CYTH3: variants seen among roughly 807,000 people sequenced by gnomAD.
CYTH3 encodes cytohesin 3.
A neutral mutation model predicts 55.1 loss-of-function variants in CYTH3; 23 were observed. The ratio of observed to expected loss-of-function variants is 0.42; its 90% CI spans 0.30 to 0.59. CYTH3 has a LOEUF of 0.59. Among genes scored for constraint, CYTH3 ranks in the 20% least tolerant of loss-of-function variants. The pLI is 0.20. For synonymous variants in CYTH3, 249 were observed against 194.9 expected (o/e 1.28, Z -2.31); for missense variants, 413 against 524.8 (o/e 0.79, Z 2.08).
chr7:6,227,980 C>T (rs1356402558), intron 1 of CYTH3, among the ~76,000 whole-genome samples: 1 of 152,184 alleles, frequency 6.6e-6, no homozygotes, highest in Non-Finnish European at 1.5e-5. Flanking sequence ...TAGATTTCAA[C>T]AACAACGAGA....
intron 1 of CYTH3, among the ~76,000 whole-genome samples, chr7:6,217,178 T>C (rs1406190610): frequency 2.6e-5 from 4 of 152,098 alleles, no homozygotes; most frequent in Non-Finnish European, 5.9e-5. Context: ...CCTCCCAAAG[T>C]GCCAAGATTA....
At chr7:6,221,543 A>G (rs1352699558) in intron 1 of CYTH3, among the ~76,000 whole-genome samples, 1 of 152,192 alleles carries the variant, frequency 6.6e-6, no homozygotes, top group Non-Finnish European at 1.5e-5. Flanking sequence ...ACAAAACTAT[A>G]CAAACACCTC....
chr7:6,248,981 T>C (rs898725398), intron 1 of CYTH3, among the ~76,000 whole-genome samples: 1 of 152,246 alleles, frequency 6.6e-6, no homozygotes, highest in Non-Finnish European at 1.5e-5. Context: ...ATCTTCTGAA[T>C]TCTTTTGATG....
chr7:6,198,007 T>C (rs1783974583), intron 1 of CYTH3, among the ~76,000 whole-genome samples: 1 of 150,216 alleles, frequency 6.7e-6, no homozygotes, highest in Non-Finnish European at 1.5e-5. Context: ...AGTGGGGGGA[T>C]CGCTTGAGCC....
chr7:6,263,453 C>G (rs978732585), intron 1 of CYTH3, among the ~76,000 whole-genome samples: 13 of 152,130 alleles, frequency 8.5e-5, no homozygotes, highest in African/African-American at 2.9e-4. Flanking sequence ...GACTAGGGAG[C>G]TCACCTCAGT....
At chr7:6,205,641 C>T (rs781389498) in intron 1 of CYTH3, among the ~76,000 whole-genome samples, 3 of 151,774 alleles carry the variant, frequency 2.0e-5, no homozygotes, top group Non-Finnish European at 4.4e-5. Flanking sequence ...TGTACTAAAG[C>T]TAGAACAACT....
intron 1 of CYTH3, among the ~76,000 whole-genome samples, chr7:6,216,492 A>G (rs1415663073): frequency 2.0e-5 from 3 of 152,116 alleles, no homozygotes; most frequent in Non-Finnish European, 2.9e-5. Context: ...TAATGCTAGC[A>G]CTTTGGGAGG....
chr7:6,237,155 C>G (rs1262636386), intron 1 of CYTH3, among the ~76,000 whole-genome samples: 1 of 151,758 alleles, frequency 6.6e-6, no homozygotes, highest in African/African-American at 2.4e-5. Flanking sequence ...CTTCAGCTCT[C>G]CCAGAGCGAG....
chr7:6,216,644 G>C (rs2128550460), intron 1 of CYTH3, among the ~76,000 whole-genome samples: 1 of 152,104 alleles, frequency 6.6e-6, no homozygotes, highest in African/African-American at 2.4e-5. Context: ...AGGAGGCTGA[G>C]GTGGGAGGAT....
chr7:6,193,296 C>G (rs1455191035), intron 1 of CYTH3, among the ~76,000 whole-genome samples: 9 of 149,802 alleles, frequency 6.0e-5, no homozygotes, highest in Non-Finnish European at 1.3e-4. Context: ...AAAATCCCAA[C>G]AAGAGACCTC....
Position 6,179,505 on chromosome 7 carries a change from C to G in CYTH3, c.250-1564G>C, listed in dbSNP as rs1393333453. Among the ~76,000 whole-genome samples, 4 of 151,968 alleles carry G rather than the reference C, an allele frequency of 2.6e-5. No individual in the cohort carries two copies. In the East Asian group the frequency reaches 7.7e-4, roughly 29 times the overall value. On this transcript the variant is annotated intron_variant, in intron 4 of 12. Transcript: ENST00000350796. ...TTTTAATGTTATTCTCCAGAAAAATCAGTGAGTCTAACAATCCTAAATCAA... is the reference window on the plus strand; with the variant it reads ...TTTTAATGTTATTCTCCAGAAAAATGAGTGAGTCTAACAATCCTAAATCAA...
At chr7:6,181,137 T>TCA (rs1783494147) in intron 4 of CYTH3, among the ~76,000 whole-genome samples, 1 of 152,112 alleles carries the variant, frequency 6.6e-6, no homozygotes, top group Non-Finnish European at 1.5e-5. Flanking sequence ...CCTTAGCTGT[T>TCA]CCTTCCTTCC....
chr7:6,162,098 A>G lies in CYTH3; in HGVS notation c.*2846T>C, dbSNP rs1464125359. 1 of 152,650 alleles carries G rather than the reference A, an allele frequency of 6.6e-6. No homozygotes were observed. Among genetic ancestry groups the G allele is most frequent in the East Asian group, 1.9e-4 (1 of 5,206 alleles). The allele number at this position is 152,650 out of a possible 1,614,324, so 9.5% of individuals were successfully genotyped here. ...GTAGATATCTGCGTTTGTAACTTTA[A>G]AAATAGGCATTGCTTTCTATGAAGC... On this transcript the variant is annotated 3_prime_UTR_variant, in exon 13 of 13. Coordinates refer to ENST00000350796, the MANE Select transcript of CYTH3 (RefSeq NM_004227.4).
chr7:6,189,662 C>T (rs1191582381), intron 2 of CYTH3, among the ~76,000 whole-genome samples: 1 of 152,076 alleles, frequency 6.6e-6, no homozygotes, highest in African/African-American at 2.4e-5. Flanking sequence ...ACAGCTGGAA[C>T]CCAATACATG....
At chr7:6,198,541 C>T (rs892285074) in intron 1 of CYTH3, among the ~76,000 whole-genome samples, 1 of 152,168 alleles carries the variant, frequency 6.6e-6, no homozygotes, top group Non-Finnish European at 1.5e-5. Flanking sequence ...AGCAACAAAC[C>T]AGCCTTCAAT....
At chr7:6,206,002 T>C (rs953444085) in intron 1 of CYTH3, among the ~76,000 whole-genome samples, 6 of 128,674 alleles carry the variant, frequency 4.7e-5, no homozygotes, top group Non-Finnish European at 8.3e-5. Context: ...CAGAAAATAA[T>C]ACAGAAATCA....
At chr7:6,188,745 C>A (rs1368461144) in intron 2 of CYTH3, 2 of 152,206 alleles carry the variant, frequency 1.3e-5, no homozygotes, top group African/African-American at 2.4e-5. Context: ...AGTGTGCTCA[C>A]TGATAAAATG....
intron 5 of CYTH3, among the ~76,000 whole-genome samples, chr7:6,176,442 T>C (rs933047561): frequency 2.6e-5 from 4 of 151,824 alleles, no homozygotes; most frequent in Non-Finnish European, 5.9e-5. Context: ...TTTGTGTTTT[T>C]AGTAGAGGTG....
At position 6,183,023 on chromosome 7, in the gene CYTH3, G is replaced by C. The variant is rs143823531; in HGVS notation, c.249+4027C>G. 3.0e-4 allele frequency among the ~76,000 whole-genome samples: 45 copies of C among 152,322 alleles called. 2 individuals carry two copies. Among genetic ancestry groups the C allele is most frequent in the Non-Finnish European group, 3.5e-4 (24 of 68,010 alleles). ...AGTGATCTGGAAGAGGAGCAGGTCA[G>C]GCAGCCAACGGCTGGTCTCTGGGAG... On this transcript the variant is annotated intron_variant, in intron 4 of 12. Coordinates refer to ENST00000350796, the MANE Select transcript of CYTH3 (RefSeq NM_004227.4).
Sources: gnomAD v4.1 joint callset for allele counts (sites outside exome capture counted in the v4.1 genomes callset) on GRCh38, gnomAD v4.1.1 for gene constraint, MANE v1.5 for transcripts, NCBI Gene and HGNC (gene_info 2026-07-23, HGNC 2026-07-21) for gene names.